KCNH3: variants seen among roughly 807,000 people sequenced by gnomAD.
KCNH3 encodes the protein potassium voltage-gated channel subfamily H member 3.
Under a neutral mutation model 95.6 loss-of-function variants are expected in KCNH3, and 36 were observed. The observed-to-expected ratio is 0.38, with a 90% CI of 0.29 to 0.50. KCNH3 has a LOEUF of 0.50. Ranked by LOEUF, KCNH3 falls within the 20% of genes least tolerant of loss-of-function variation. KCNH3 has a pLI of 0.95. For synonymous variants in KCNH3, 620 were observed against 646.3 expected, an observed-to-expected ratio of 0.96 and a Z score of 0.62; for missense variants, 1,030 against 1,484.1, an observed-to-expected ratio of 0.69 and a Z score of 5.03.
At chr12:49,549,746 T>G in intron 9 of KCNH3, 106 bp downstream of exon 9, 1 of 1,092,596 alleles carries the variant, frequency 9.2e-7, no homozygotes, top group Non-Finnish European at 1.3e-6. Context: ...TTTTGGCCCC[T>G]GTGCCTCCCT....
chr12:49,556,010 C>A, intron 12 of KCNH3, 59 bp downstream of exon 12: 1 of 817,166 alleles, frequency 1.2e-6, no homozygotes, highest in Non-Finnish European at 2.0e-6. Context: ...AGGCCCTGGG[C>A]AGGCGCACCC....
At chr12:49,552,784 G>A (rs981203817) in intron 10 of KCNH3, among the ~76,000 whole-genome samples, 2 of 152,164 alleles carry the variant, frequency 1.3e-5, no homozygotes, top group African/African-American at 2.4e-5. Context: ...AGAAGCACGT[G>A]CTTATTCTAT....
At position 49,543,797 on chromosome 12, in the gene KCNH3, A is replaced by C. The variant is rs1937955607; in HGVS notation, c.824-118A>C. ...CCTGTTACAGTTACTGTGAGAACTAAGACGATGTATGGGAAGGGCCGGGGA... is the reference window on the plus strand; with the variant it reads ...CCTGTTACAGTTACTGTGAGAACTACGACGATGTATGGGAAGGGCCGGGGA... On this transcript the variant is annotated intron_variant, in intron 5 of 14. Transcript: ENST00000257981. 5 of 1,347,834 alleles carry C rather than the reference A, an allele frequency of 3.7e-6. No individual in the cohort carries two copies. The South Asian group carries it at 6.7e-5, about 18-fold the overall frequency. 83.5% of individuals were successfully genotyped at this position (1,347,834 alleles called of 1,614,324 possible).
At chr12:49,548,019 G>T (rs1248325344) in intron 7 of KCNH3, among the ~76,000 whole-genome samples, 2 of 152,134 alleles carry the variant, frequency 1.3e-5, no homozygotes, top group Middle Eastern at 3.2e-3. Context: ...CCTACTCCAT[G>T]CCAAGGCCAG....
intron 9 of KCNH3, 37 bp from the exon 10 acceptor site, chr12:49,550,043 T>TTCCCCCCCCCCCCCCCCC: frequency 7.7e-7 from 1 of 1,299,542 alleles, no homozygotes; most frequent in Non-Finnish European, 1.1e-6. Context: ...CTTCTGCCAC[T>TTCCCCCCCCCCCCCCCCC]CCCAACCCCC....
chr12:49,544,159 C>G lies in KCNH3; in HGVS notation c.982-16C>G. On this transcript the variant is annotated splice_polypyrimidine_tract_variant and intron_variant, in intron 6 of 14. Transcript: ENST00000257981. Reference sequence around the variant, plus strand: ...GCTGACCTCCCTCCCTCCCTCCCTCCCTCCCCGCATCTCAGTACTTCGGGG... The same window carrying G: ...GCTGACCTCCCTCCCTCCCTCCCTCGCTCCCCGCATCTCAGTACTTCGGGG... The G allele has an allele frequency of 1.3e-6, 2 of 1,590,544 alleles. No homozygotes were observed. The highest frequency in any genetic ancestry group is 1.7e-6 in the Non-Finnish European group (2 of 1,167,604).
intron 7 of KCNH3, among the ~76,000 whole-genome samples, chr12:49,547,897 C>T (rs1424192052): frequency 6.6e-6 from 1 of 152,168 alleles, no homozygotes; most frequent in African/African-American, 2.4e-5. Flanking sequence ...CTGCCAGGAC[C>T]TCTGTGGATC....
At chr12:49,547,040 A>G (rs774028174) in intron 7 of KCNH3, among the ~76,000 whole-genome samples, 5 of 152,052 alleles carry the variant, frequency 3.3e-5, no homozygotes, top group Non-Finnish European at 7.4e-5. Flanking sequence ...GATTACAGGC[A>G]TGCGCCACCA....
chr12:49,540,268 C>T (rs1326391269), intron 1 of KCNH3, among the ~76,000 whole-genome samples: 12 of 152,202 alleles, frequency 7.9e-5, no homozygotes, highest in Admixed American at 7.9e-4. Context: ...TCTGCTTTGC[C>T]AGTGTGCTTG....
rs769186310 is a variant in KCNH3 at position 49,542,795 on chromosome 12, G to A, written c.535G>A (p.Gly179Arg). Reference protein sequence around the residue: ...RSRAVLYHLSGHLQKQPKGKH... With the variant: ...RSRAVLYHLSRHLQKQPKGKH... Reference sequence around the variant, plus strand: ...CCGGGCCGTGCTCTACCACCTGTCCGGGCACCTGCAGAAGCAGCCCAAGGG... The same window carrying A: ...CCGGGCCGTGCTCTACCACCTGTCCAGGCACCTGCAGAAGCAGCCCAAGGG... The change falls in exon 4 of 15, where the codon GGG becomes AGG. Residue 179 changes from glycine (G) to arginine (R), a missense_variant. Gly to Arg is a moderately radical substitution (Grantham distance 125, BLOSUM62 -2). This residue lies in a region of KCNH3 where 92 missense variants were observed against 92.7 expected (regional missense o/e 0.99). Transcript: ENST00000257981. 3.2e-5 allele frequency: 51 copies of A among 1,601,902 alleles called. 1 individual carries two copies. Among genetic ancestry groups the A allele is most frequent in the South Asian group, 6.8e-5 (6 of 88,272 alleles).
intron 8 of KCNH3, 73 bp downstream of exon 8, chr12:49,549,246 C>T (rs930312868): frequency 1.2e-5 from 18 of 1,514,230 alleles, no homozygotes; most frequent in African/African-American, 1.4e-5. Flanking sequence ...GTCCCACTCC[C>T]CGGAGGGCCT....
At chr12:49,544,122 C>G in intron 6 of KCNH3, 50 bp downstream of exon 6, 1 of 1,604,592 alleles carries the variant, frequency 6.2e-7, no homozygotes, top group Non-Finnish European at 8.5e-7. Context: ...AGGGGACAGG[C>G]AGGGCCGGCC....
At chr12:49,549,304 G>A (rs1938176381) in intron 8 of KCNH3, 131 bp downstream of exon 8, 1 of 1,456,110 alleles carries the variant, frequency 6.9e-7, no homozygotes, top group East Asian at 2.3e-5. Flanking sequence ...CCCGAGGCCG[G>A]GGGTGGGGGA....
intron 7 of KCNH3, among the ~76,000 whole-genome samples, chr12:49,548,513 G>A (rs1938145758): frequency 6.6e-6 from 1 of 152,168 alleles, no homozygotes; most frequent in South Asian, 2.1e-4. Context: ...CCGTTGGACA[G>A]GTGGAGGTGA....
intron 7 of KCNH3, 65 bp downstream of exon 7, chr12:49,544,447 G>A (rs534364077): frequency 6.4e-4 from 965 of 1,517,024 alleles, no homozygotes; most frequent in Non-Finnish European, 8.3e-4. Context: ...GAGTGCCAGC[G>A]TGGGTGCAGA....
intron 10 of KCNH3, among the ~76,000 whole-genome samples, chr12:49,552,251 C>T (rs941091310): frequency 6.6e-6 from 1 of 152,214 alleles, no homozygotes; most frequent in Non-Finnish European, 1.5e-5. Flanking sequence ...GGCACAGGTC[C>T]TCTCAGAGCA....
intron 3 of KCNH3, among the ~76,000 whole-genome samples, 195 bp from the exon 4 acceptor site, chr12:49,542,511 C>T (rs1426575852): frequency 6.6e-6 from 1 of 152,246 alleles, no homozygotes; most frequent in Admixed American, 6.5e-5. Context: ...TGTAAACACT[C>T]CTAGGACTGC....
intron 8 of KCNH3, 24 bp from the exon 9 acceptor site, chr12:49,549,417 C>A (rs780653759): frequency 6.2e-7 from 1 of 1,610,938 alleles, no homozygotes; most frequent in Non-Finnish European, 8.5e-7. Context: ...CCCTAGGTGA[C>A]CCCCTCTCGT....
intron 7 of KCNH3, 67 bp from the exon 8 acceptor site, chr12:49,548,828 C>A (rs759023290): frequency 7.3e-5 from 106 of 1,456,464 alleles, no homozygotes; most frequent in Non-Finnish European, 9.0e-5. Context: ...CGTGTCCCCA[C>A]CCCCAGGGCC....
Sources: gnomAD v4.1 joint callset for allele counts (sites outside exome capture counted in the v4.1 genomes callset) on GRCh38, gnomAD v4.1.1 for gene constraint, gnomAD v4.1.1 regional missense constraint, MANE v1.5 for transcripts, NCBI Gene and HGNC (gene_info 2026-07-23, HGNC 2026-07-21) for gene names.